Variants in WNK3 observed in about 807,000 individuals in gnomAD.
The protein encoded by WNK3 is WNK lysine deficient protein kinase 3.
In WNK3, 18 loss-of-function variants were observed where a neutral mutation model predicts 116.7. The ratio of observed to expected loss-of-function variants is 0.15; its 90% confidence interval spans 0.11 to 0.23. WNK3 has a LOEUF of 0.23. Ranked by LOEUF, WNK3 falls within the 10% of genes least tolerant of loss-of-function variation. The pLI, the probability that WNK3 is intolerant of heterozygous loss-of-function variation, is 1.00. For missense variants in WNK3, 993 were observed against 1,323.8 expected (o/e 0.75, Z 3.88); for synonymous variants, 404 against 469.4 (o/e 0.86, Z 1.80).
chrX:54,237,388 G>A (rs781830908), exon 20 of WNK3: 6 of 1,207,097 alleles, frequency 5.0e-6, no homozygotes, highest in African/African-American at 1.8e-5. Context: ...ATAAGAAAAC[G>A]AAGTTTTTGG....
At chrX:54,302,271 C>T (rs782577634) in intron 5 of WNK3, among the ~76,000 whole-genome samples, 2 of 111,410 alleles carry the variant, frequency 1.8e-5, no homozygotes, top group Non-Finnish European at 3.8e-5. Flanking sequence ...AGTATAATCC[C>T]AATTAACAAT....
chrX:54,306,178 A>C (rs1169479042), intron 5 of WNK3, among the ~76,000 whole-genome samples: 4 of 111,984 alleles, frequency 3.6e-5, no homozygotes, highest in African/African-American at 1.3e-4. Context: ...TGCAGAGAAA[A>C]GGGAACCCTT....
chrX:54,300,773 T>A (rs2068749577), intron 6 of WNK3, among the ~76,000 whole-genome samples: 1 of 111,725 alleles, frequency 9.0e-6, no homozygotes, highest in South Asian at 3.7e-4. Context: ...AACAAGCCAA[T>A]TAAAAATGGG....
intron 2 of WNK3, among the ~76,000 whole-genome samples, chrX:54,324,291 G>A (rs1011800075): frequency 1.8e-5 from 2 of 112,105 alleles, no homozygotes; most frequent in Admixed American, 1.9e-4. Flanking sequence ...CATCTGCAAA[G>A]TCCTTTTTGA....
At chrX:54,339,969 GT>G (rs1215763058) in intron 1 of WNK3, among the ~76,000 whole-genome samples, 6 of 110,885 alleles carry the variant, frequency 5.4e-5, no homozygotes, top group Non-Finnish European at 1.1e-4. Flanking sequence ...AGCCAACATG[GT>G]GAAAACCCAT....
rs7884117 is a variant in WNK3, at chrX:54,222,915, A to T, written c.4870+5799T>A. Among the ~76,000 whole-genome samples, 65 of 81,020 alleles carry T rather than the reference A, an allele frequency of 8.0e-4. 1 individual carries two copies. The highest frequency in any genetic ancestry group is 3.0e-3 in the African/African-American group (51 of 17,240). 70.4% of individuals were successfully genotyped at this position (81,020 alleles called of 115,157 possible). On this transcript the variant is annotated intron_variant, in intron 22 of 23. Coordinates refer to ENST00000354646, the Ensembl canonical transcript of WNK3. ...ATAGTATAATAATAATAATAATAAT[A>T]ATATATATATATATATATATATATA...
At chrX:54,332,170 T>C (rs2069178114) in intron 2 of WNK3, among the ~76,000 whole-genome samples, 1 of 112,273 alleles carries the variant, frequency 8.9e-6, no homozygotes, top group African/African-American at 3.2e-5. Flanking sequence ...TTAAAAGTAC[T>C]ACATGAACAT....
Position 54,287,504 on chromosome X carries a change from C to T in WNK3, c.2037+5384G>A, listed in dbSNP as rs782214878. ...TTCCTTAAACCTGCAACCCACTTTC[C>T]TCCTTTTCCTCCTCTACATTTTCCC... On this transcript the variant is annotated intron_variant, in intron 10 of 23. Coordinates refer to ENST00000354646, the Ensembl canonical transcript of WNK3. Among the ~76,000 whole-genome samples, 2 of 112,034 alleles carry T rather than the reference C, an allele frequency of 1.8e-5. 1 individual carries two copies. The highest frequency in any genetic ancestry group is 5.6e-4 in the East Asian group (2 of 3,567).
intron 2 of WNK3, among the ~76,000 whole-genome samples, chrX:54,330,773 A>C (rs997009236): frequency 1.8e-5 from 2 of 111,990 alleles, no homozygotes; most frequent in African/African-American, 6.5e-5. Flanking sequence ...GGCAAAACCC[A>C]TCTCTACTAA....
chrX:54,332,486 T>A (rs782294958), intron 2 of WNK3, among the ~76,000 whole-genome samples: 2 of 112,165 alleles, frequency 1.8e-5, no homozygotes, highest in East Asian at 5.6e-4. Flanking sequence ...GTACTTAGTA[T>A]AACAATCAAC....
intron 17 of WNK3, among the ~76,000 whole-genome samples, chrX:54,241,245 A>G (rs925713399): frequency 1.8e-5 from 2 of 112,047 alleles, no homozygotes; most frequent in Admixed American, 9.5e-5. Context: ...GTTACAAAAT[A>G]CAGTGCCAGG....
chrX:54,272,585 T>G (rs782048892), intron 10 of WNK3, among the ~76,000 whole-genome samples: 1 of 112,250 alleles, frequency 8.9e-6, no homozygotes, highest in Non-Finnish European at 1.9e-5. Context: ...TTTAATAATA[T>G]TCACTCACAG....
intron 2 of WNK3, among the ~76,000 whole-genome samples, chrX:54,324,185 A>G (rs1388915336): frequency 1.8e-5 from 2 of 111,755 alleles, no homozygotes; most frequent in African/African-American, 6.5e-5. Flanking sequence ...GACTATGGCC[A>G]TTCTGCCTCC....
At chrX:54,196,611 T>C (rs782394644) in exon 24 of WNK3, 2 of 111,763 alleles carry the variant, frequency 1.8e-5, no homozygotes, top group Non-Finnish European at 3.8e-5. Flanking sequence ...CCTAATTAGG[T>C]AAATGTGTAT....
chrX:54,334,133 G>A (rs192794504), intron 1 of WNK3, among the ~76,000 whole-genome samples: 173 of 111,603 alleles, frequency 1.6e-3, no homozygotes, highest in African/African-American at 5.2e-3. Flanking sequence ...AACACAGTAA[G>A]TAAAACAACC....
At chrX:54,297,232 T>C (rs1269652682) in intron 7 of WNK3, among the ~76,000 whole-genome samples, 3 of 111,050 alleles carry the variant, frequency 2.7e-5, no homozygotes, top group African/African-American at 9.8e-5. Flanking sequence ...CAAAACAATA[T>C]ATTATGCAGG....
intron 15 of WNK3, among the ~76,000 whole-genome samples, chrX:54,250,628 A>G (rs782336124): frequency 1.3e-4 from 15 of 111,857 alleles, no homozygotes; most frequent in African/African-American, 4.5e-4. Flanking sequence ...ACTCTACCCA[A>G]CTTTGTTAGT....
At chrX:54,253,900 T>G in intron 13 of WNK3, 59 bp downstream of exon 13, 1 of 804,892 alleles carries the variant, frequency 1.2e-6, no homozygotes, top group Non-Finnish European at 1.8e-6. Context: ...GGAGACAGAA[T>G]TATAGGGGAA....
intron 10 of WNK3, among the ~76,000 whole-genome samples, chrX:54,261,708 T>G (rs1265206895): frequency 8.9e-6 from 1 of 111,948 alleles, no homozygotes; most frequent in Non-Finnish European, 1.9e-5. Flanking sequence ...TGAAAACATC[T>G]TAAGTGTTTA....
Sources: allele counts gnomAD v4.1 joint callset (sites outside exome capture counted in the v4.1 genomes callset), GRCh38; gene constraint gnomAD v4.1.1; transcripts MANE v1.5; gene names NCBI Gene and HGNC (gene_info 2026-07-23, HGNC 2026-07-21).